The following ADGRV1 variants were observed in gnomAD, a reference collection of about 807,000 sequenced individuals.
ADGRV1 encodes the protein G-protein coupled receptor 98.
Under a neutral mutation model 596.2 loss-of-function variants are expected in ADGRV1, and 359 were observed. The observed-to-expected ratio is 0.60, with a 90% CI of 0.55 to 0.66. The LOEUF (loss-of-function observed/expected upper bound fraction) is 0.66. Among genes scored for constraint, ADGRV1 ranks in the 30% least tolerant of loss-of-function variants. ADGRV1 has a pLI of 0.00. For synonymous variants in ADGRV1, 2,681 were observed against 2,679.2 expected, an observed-to-expected ratio of 1.00 and a Z score of -0.02; for missense variants, 7,274 against 7,575.6, an observed-to-expected ratio of 0.96 and a Z score of 1.48.
intron 83 of ADGRV1, among the ~76,000 whole-genome samples, chr5:90,910,567 CTATCTATCTA>C (rs771888844): frequency 2.7e-4 from 20 of 73,148 alleles, no homozygotes; most frequent in Non-Finnish European, 6.4e-4. Flanking sequence ...ATCTATCTAT[CTATCTATCTA>C]TCTATCTATC....
At chr5:90,617,478 T>G in intron 2 of ADGRV1, 1 of 181,694 alleles carries the variant, frequency 5.5e-6, no homozygotes, top group Non-Finnish European at 1.2e-5. Context: ...CCCAGCTAAT[T>G]TTTGTATTTT....
chr5:91,059,666 A>T (rs1426811664), intron 85 of ADGRV1, among the ~76,000 whole-genome samples: 8 of 152,164 alleles, frequency 5.3e-5, no homozygotes, highest in Non-Finnish European at 5.9e-5. Context: ...CCCCCTCAAT[A>T]TTGGGAATTC....
chr5:90,996,215 A>G (rs1781400838), intron 85 of ADGRV1, among the ~76,000 whole-genome samples: 1 of 152,300 alleles, frequency 6.6e-6, no homozygotes, highest in Non-Finnish European at 1.5e-5. Context: ...AGCCTATCCC[A>G]TTACAAGCCC....
At chr5:90,757,252 A>G in intron 57 of ADGRV1, 91 bp downstream of exon 57, 1 of 943,772 alleles carries the variant, frequency 1.1e-6, no homozygotes, top group Non-Finnish European at 1.7e-6. Context: ...GGTGATTGCT[A>G]AATGCATTAT....
At chr5:90,666,098 G>T (rs1771317705) in intron 21 of ADGRV1, among the ~76,000 whole-genome samples, 1 of 151,370 alleles carries the variant, frequency 6.6e-6, no homozygotes, top group African/African-American at 2.4e-5. Flanking sequence ...CTGTTGATTT[G>T]GGGTGGAGAG....
intron 14 of ADGRV1, among the ~76,000 whole-genome samples, chr5:90,644,264 C>T (rs1166902594): frequency 1.3e-5 from 2 of 152,112 alleles, no homozygotes; most frequent in Non-Finnish European, 2.9e-5. Context: ...ATAGCGAGAA[C>T]CTTAAAACTA....
chr5:91,127,675 G>A (rs1255732464), intron 87 of ADGRV1, among the ~76,000 whole-genome samples: 1 of 152,112 alleles, frequency 6.6e-6, no homozygotes, highest in Non-Finnish European at 1.5e-5. Flanking sequence ...CAAAGCAAAA[G>A]GAAGATCTTA....
intron 82 of ADGRV1, among the ~76,000 whole-genome samples, chr5:90,857,535 A>T (rs1767139553): frequency 6.6e-6 from 1 of 152,218 alleles, no homozygotes; most frequent in Non-Finnish European, 1.5e-5. Flanking sequence ...AGAAAAGGCT[A>T]CATGGATTTG....
chr5:90,920,423 G>T (rs1773776221), intron 83 of ADGRV1, among the ~76,000 whole-genome samples: 1 of 152,028 alleles, frequency 6.6e-6, no homozygotes, highest in Non-Finnish European at 1.5e-5. Context: ...TTTGAAAATG[G>T]TTTACTGGCT....
rs548709596 is a variant in ADGRV1 at position 90,790,186 on chromosome 5, A to AG, written c.14043+338dup. On this transcript the variant is annotated intron_variant, in intron 69 of 89. Coordinates refer to ENST00000405460, the MANE Select transcript of ADGRV1 (RefSeq NM_032119.4). The stretch of plus-strand genomic sequence containing the variant: ...TCTCAATGATTTGTGTAAATTCTCC[A>AG]GGGCCTTATTTCTCATTAGAATTTT... 2.4e-3 allele frequency among the ~76,000 whole-genome samples: 368 copies of AG among 152,340 alleles called. 2 individuals carry two copies. Among genetic ancestry groups the AG allele is most frequent in the Admixed American group, 3.9e-3 (60 of 15,296 alleles).
chr5:90,816,666 G>T (rs1762929815), intron 75 of ADGRV1, among the ~76,000 whole-genome samples: 1 of 150,640 alleles, frequency 6.6e-6, no homozygotes, highest in Non-Finnish European at 1.5e-5. Context: ...GTGGTGTTTG[G>T]TTTTTTGTCC....
At chr5:90,933,926 C>T (rs558226717) in intron 83 of ADGRV1, among the ~76,000 whole-genome samples, 12 of 152,262 alleles carry the variant, frequency 7.9e-5, no homozygotes, top group African/African-American at 2.9e-4. Flanking sequence ...GCACGTAGGC[C>T]TTTGGGGACT....
At chr5:90,841,016 T>C in intron 78 of ADGRV1, 31 bp downstream of exon 78, 1 of 1,406,620 alleles carries the variant, frequency 7.1e-7, no homozygotes, top group Non-Finnish European at 9.3e-7. Context: ...GTAATTTGTT[T>C]AGTGAAATTT....
chr5:90,836,457 A>G (rs904190928), intron 77 of ADGRV1, among the ~76,000 whole-genome samples: 4 of 152,136 alleles, frequency 2.6e-5, no homozygotes, highest in Non-Finnish European at 4.4e-5. Flanking sequence ...TACTAAGTAA[A>G]AAAAAAAGCT....
chr5:91,072,818 A>G (rs1332688890), intron 86 of ADGRV1, among the ~76,000 whole-genome samples: 2 of 151,966 alleles, frequency 1.3e-5, no homozygotes, highest in Non-Finnish European at 1.5e-5. Flanking sequence ...GTTCATTCCA[A>G]TTTTGTCCTT....
At chr5:90,981,947 T>C (rs947464620) in intron 84 of ADGRV1, among the ~76,000 whole-genome samples, 2 of 141,798 alleles carry the variant, frequency 1.4e-5, no homozygotes, top group Admixed American at 7.0e-5. Flanking sequence ...GTGGCACTCA[T>C]TGATTCACCA....
Position 91,107,030 on chromosome 5 carries a change from C to T in ADGRV1, c.18432+4690C>T, listed in dbSNP as rs1428386098. 5.9e-5 allele frequency among the ~76,000 whole-genome samples: 9 copies of T among 152,082 alleles called. 1 individual carries two copies. The highest frequency in any genetic ancestry group is 2.6e-4 in the Admixed American group (4 of 15,258). On this transcript the variant is annotated intron_variant, in intron 87 of 89. Transcript: ENST00000405460. Reference sequence around the variant, plus strand: ...CGGTCTACAGCTGTGGTTCCCAAACCGTTATGTGTAGCAGAATTCCATGGG... The same window carrying T: ...CGGTCTACAGCTGTGGTTCCCAAACTGTTATGTGTAGCAGAATTCCATGGG...
chr5:91,118,929 C>G (rs181283455), intron 87 of ADGRV1, among the ~76,000 whole-genome samples: 28 of 152,108 alleles, frequency 1.8e-4, no homozygotes, highest in Admixed American at 1.7e-3. Context: ...TCAACTAGAA[C>G]TTATCATTTT....
chr5:91,048,990 TTATC>T (rs1786079822), intron 85 of ADGRV1, among the ~76,000 whole-genome samples: 1 of 152,110 alleles, frequency 6.6e-6, no homozygotes, highest in Admixed American at 6.5e-5. Context: ...TATAACCAAT[TTATC>T]TAAAAACCCA....
Sources: allele counts gnomAD v4.1 joint callset (sites outside exome capture counted in the v4.1 genomes callset), GRCh38; gene constraint gnomAD v4.1.1; transcripts MANE v1.5; gene names NCBI Gene and HGNC (gene_info 2026-07-23, HGNC 2026-07-21).